FRMPD4: variants seen among roughly 807,000 people sequenced by gnomAD.
FRMPD4 encodes FERM and PDZ domain containing 4, also known as FERM and PDZ domain-containing protein 4.
FRMPD4 carries 22 observed loss-of-function variants against 94.1 expected under a neutral mutation model. The observed-to-expected ratio is 0.23, with a 90% confidence interval of 0.17 to 0.33. The LOEUF is 0.33. Ranked by LOEUF, FRMPD4 falls within the 10% of genes least tolerant of loss-of-function variation. FRMPD4 has a pLI of 1.00. For missense variants in FRMPD4, 1,111 were observed against 1,339.9 expected, an observed-to-expected ratio of 0.83 and a Z score of 2.67; for synonymous variants, 631 against 548.6, an observed-to-expected ratio of 1.15 and a Z score of -2.10.
chrX:12,235,316 G>A (rs1045905834), intron 1 of FRMPD4, among the ~76,000 whole-genome samples: 1 of 111,585 alleles, frequency 9.0e-6, no homozygotes, highest in African/African-American at 3.3e-5. Flanking sequence ...AGAAGAGAGA[G>A]GATGAAATAG....
At chrX:12,144,830 G>A (rs2055741401) in intron 1 of FRMPD4, among the ~76,000 whole-genome samples, 1 of 108,215 alleles carries the variant, frequency 9.2e-6, no homozygotes, top group African/African-American at 3.3e-5. Flanking sequence ...TCATCAACTT[G>A]TATTTCCAAG....
intron 4 of FRMPD4, among the ~76,000 whole-genome samples, chrX:12,619,235 C>T (rs780777347): frequency 1.8e-5 from 2 of 112,226 alleles, no homozygotes; most frequent in African/African-American, 6.5e-5. Flanking sequence ...TTGCTCACAT[C>T]TGTCAGACAT....
At chrX:11,834,627 T>G (rs1028479948) in intron 1 of FRMPD4, among the ~76,000 whole-genome samples, 1 of 111,890 alleles carries the variant, frequency 8.9e-6, no homozygotes, top group East Asian at 2.8e-4. Flanking sequence ...AGCTGTCATA[T>G]TCCTTCAAAT....
At chrX:12,320,033 G>A (rs1055190337) in intron 1 of FRMPD4, among the ~76,000 whole-genome samples, 7 of 111,614 alleles carry the variant, frequency 6.3e-5, no homozygotes, top group Non-Finnish European at 9.4e-5. Flanking sequence ...AGCTCTGTGC[G>A]TGGCTGTCAT....
intron 1 of FRMPD4, among the ~76,000 whole-genome samples, chrX:12,258,283 G>A (rs1482329862): frequency 9.0e-6 from 1 of 110,615 alleles, no homozygotes; most frequent in Admixed American, 9.7e-5. Context: ...AGGTCATGAG[G>A]GCTCTGCCTT....
At chrX:12,461,495 G>C (rs1481757756) in intron 1 of FRMPD4, among the ~76,000 whole-genome samples, 1 of 111,885 alleles carries the variant, frequency 8.9e-6, no homozygotes, top group African/African-American at 3.2e-5. Context: ...TTATCTTGTG[G>C]AAGTACATGA....
At chrX:12,570,818 T>C (rs1044983289) in intron 2 of FRMPD4, among the ~76,000 whole-genome samples, 3 of 111,025 alleles carry the variant, frequency 2.7e-5, no homozygotes, top group African/African-American at 9.8e-5. Flanking sequence ...ACAGGGTGGA[T>C]CTGCTGGACA....
At chrX:11,877,720 C>T (rs1272323094) in intron 2 of FRMPD4, among the ~76,000 whole-genome samples, 1 of 112,240 alleles carries the variant, frequency 8.9e-6, no homozygotes, top group Non-Finnish European at 1.9e-5. Context: ...TCTTGGAGCA[C>T]GTGATTGTTT....
At chrX:12,444,248 A>C (rs1488574164) in intron 1 of FRMPD4, among the ~76,000 whole-genome samples, 1 of 111,797 alleles carries the variant, frequency 8.9e-6, no homozygotes, top group Non-Finnish European at 1.9e-5. Context: ...AGGAATATGG[A>C]AAATAAGAGG....
chrX:11,852,653 G>A (rs1189412422), intron 1 of FRMPD4, among the ~76,000 whole-genome samples: 1 of 109,939 alleles, frequency 9.1e-6, no homozygotes, highest in Non-Finnish European at 1.9e-5. Context: ...GATCCAAAAA[G>A]ACAAAAAAGG....
At chrX:11,993,919 A>G (rs1397022318) in intron 3 of FRMPD4, among the ~76,000 whole-genome samples, 1 of 111,691 alleles carries the variant, frequency 9.0e-6, no homozygotes, top group Non-Finnish European at 1.9e-5. Context: ...TTTGTGATGA[A>G]CAGGTTTCCT....
chrX:12,108,381 T>A (rs1434199569), intron 3 of FRMPD4, among the ~76,000 whole-genome samples: 1 of 111,704 alleles, frequency 9.0e-6, no homozygotes, highest in Non-Finnish European at 1.9e-5. Flanking sequence ...GTTGAGAGAT[T>A]TTGTCACCAC....
At chrX:12,047,705 G>A (rs2054793457) in intron 3 of FRMPD4, among the ~76,000 whole-genome samples, 1 of 111,531 alleles carries the variant, frequency 9.0e-6, no homozygotes, top group Non-Finnish European at 1.9e-5. Flanking sequence ...ATGTTCATGT[G>A]TACCCGATGT....
chrX:12,671,607 G>A (rs1405976126), intron 4 of FRMPD4, among the ~76,000 whole-genome samples: 2 of 110,587 alleles, frequency 1.8e-5, no homozygotes, highest in Non-Finnish European at 3.8e-5. Flanking sequence ...CTAGGGGAGG[G>A]ATAGCATTAG....
In FRMPD4 at chrX:11,833,308, G is replaced by T. The variant is rs750432124; in HGVS notation, c.-161+10593G>T. Among the ~76,000 whole-genome samples the T allele has an allele frequency of 7.1e-5, 8 of 112,358 alleles. No individual in the cohort carries two copies. The East Asian group carries it at 2.0e-3, about 27-fold the overall frequency. On this transcript the variant is annotated intron_variant, in intron 1 of 18. Coordinates refer to the FRMPD4 transcript ENST00000640291. ...AAGCTGCTATAAACTATAAACATCTGTGTGCAGGTTTTGTGTGGACATAAG... is the reference window on the plus strand; with the variant it reads ...AAGCTGCTATAAACTATAAACATCTTTGTGCAGGTTTTGTGTGGACATAAG...
intron 1 of FRMPD4, among the ~76,000 whole-genome samples, chrX:11,827,085 TA>T (rs1491567811): frequency 1.0e-5 from 1 of 97,528 alleles, no homozygotes; most frequent in South Asian, 4.6e-4. Context: ...TATATATATA[TA>T]AAATATATAT....
chrX:12,145,837 A>G, intron 1 of FRMPD4, among the ~76,000 whole-genome samples: 1 of 111,770 alleles, frequency 8.9e-6, no homozygotes. Flanking sequence ...AGCAGGGGGA[A>G]GGATGGATAT....
At chrX:12,208,157 C>A (rs1441837911) in intron 1 of FRMPD4, among the ~76,000 whole-genome samples, 1 of 111,672 alleles carries the variant, frequency 9.0e-6, no homozygotes, top group Non-Finnish European at 1.9e-5. Context: ...AAATTCAACA[C>A]TCTTCAGAGG....
chrX:11,863,684 A>T (rs1387753317), intron 1 of FRMPD4, among the ~76,000 whole-genome samples: 1 of 112,426 alleles, frequency 8.9e-6, no homozygotes, highest in Non-Finnish European at 1.9e-5. Context: ...AGTTAAAAAT[A>T]ATGAATAATA....
Sources: allele counts gnomAD v4.1 joint callset (sites outside exome capture counted in the v4.1 genomes callset), GRCh38; gene constraint gnomAD v4.1.1; transcripts MANE v1.5; gene names NCBI Gene and HGNC (gene_info 2026-07-23, HGNC 2026-07-21).